Variants in EXOC4 observed in about 807,000 individuals in gnomAD.
The protein encoded by EXOC4 is exocyst complex component 4.
A neutral mutation model predicts 107.2 loss-of-function variants in EXOC4; 71 were observed. The observed-to-expected ratio is 0.66, with a 90% CI of 0.55 to 0.81. The LOEUF is 0.81. Ranked by LOEUF, EXOC4 falls within the 30% of genes least tolerant of loss-of-function variation. EXOC4 has a pLI of 0.00. For synonymous variants in EXOC4, 456 were observed against 441.2 expected (o/e 1.03, Z -0.42); for missense variants, 1,108 against 1,189.6 (o/e 0.93, Z 1.01).
At chr7:133,591,569 C>T (rs2432639) in intron 9 of EXOC4, among the ~76,000 whole-genome samples, 422 of 14,620 alleles carry the variant, frequency 0.029, 2 homozygotes, top group African/African-American at 0.044. Context: ...TGTGTGTGTG[C>T]GTGTGTGTGT....
intron 9 of EXOC4, among the ~76,000 whole-genome samples, chr7:133,492,295 T>C (rs933501841): frequency 2.2e-4 from 34 of 152,134 alleles, no homozygotes; most frequent in Admixed American, 6.5e-4. Flanking sequence ...CTGTGTGGTG[T>C]TTCAGCAAGA....
chr7:133,498,826 T>G (rs530500463), intron 9 of EXOC4, among the ~76,000 whole-genome samples: 1 of 152,352 alleles, frequency 6.6e-6, no homozygotes, highest in African/African-American at 2.4e-5. Flanking sequence ...CAGCAGCTTC[T>G]TGGCCTCTTT....
chr7:133,747,107 A>T (rs1455181682), intron 10 of EXOC4, among the ~76,000 whole-genome samples: 2 of 152,130 alleles, frequency 1.3e-5, no homozygotes, highest in Non-Finnish European at 2.9e-5. Context: ...CACTTCTCTG[A>T]ATCTTTGGTT....
At chr7:133,692,453 C>T (rs1418555471) in intron 10 of EXOC4, among the ~76,000 whole-genome samples, 1 of 152,204 alleles carries the variant, frequency 6.6e-6, no homozygotes, top group Non-Finnish European at 1.5e-5. Context: ...AACACCACCT[C>T]CTGCCCTGGG....
chr7:134,067,624 CTTAT>C (rs1293882181), downstream of EXOC4, among the ~76,000 whole-genome samples: 1 of 69,058 alleles, frequency 1.4e-5, no homozygotes, highest in Non-Finnish European at 2.6e-5. Context: ...GGACCCAACT[CTTAT>C]ATATATATAT....
At chr7:133,591,504 A>G (rs969866517) in intron 9 of EXOC4, among the ~76,000 whole-genome samples, 2 of 152,088 alleles carry the variant, frequency 1.3e-5, no homozygotes, top group African/African-American at 4.8e-5. Flanking sequence ...AAACCCATGC[A>G]TAGTTTTTTC....
intron 11 of EXOC4, among the ~76,000 whole-genome samples, chr7:133,859,770 A>G (rs1181089946): frequency 1.3e-5 from 2 of 152,146 alleles, no homozygotes; most frequent in Non-Finnish European, 2.9e-5. Context: ...TAAGAGTTAG[A>G]AAAAAACAGT....
intron 12 of EXOC4, among the ~76,000 whole-genome samples, chr7:133,899,989 G>A (rs953440468): frequency 3.3e-5 from 5 of 151,952 alleles, no homozygotes; most frequent in Non-Finnish European, 7.4e-5. Context: ...GGCCTCAAGC[G>A]ATTCTCCCAC....
chr7:133,433,407 C>T (rs955171951), intron 7 of EXOC4, among the ~76,000 whole-genome samples: 1 of 152,188 alleles, frequency 6.6e-6, no homozygotes, highest in African/African-American at 2.4e-5. Context: ...TTGGTCTTTG[C>T]ACTTCTATTG....
intron 11 of EXOC4, among the ~76,000 whole-genome samples, chr7:133,881,814 C>T (rs986972142): frequency 1.4e-4 from 21 of 152,150 alleles, no homozygotes; most frequent in African/African-American, 5.1e-4. Flanking sequence ...TATGTCTTCA[C>T]ATTTTAAAAA....
chr7:134,051,916 G>A (rs11975171), intron 17 of EXOC4, among the ~76,000 whole-genome samples: 3,458 of 151,792 alleles, frequency 0.023, 91 homozygotes, highest in African/African-American at 0.068. Context: ...AACCCGGGAG[G>A]TAGAGCTTGC....
chr7:133,349,210 G>GTT (rs1795854095), intron 5 of EXOC4, among the ~76,000 whole-genome samples: 1 of 151,880 alleles, frequency 6.6e-6, no homozygotes, highest in East Asian at 1.9e-4. Flanking sequence ...GTCCTGCAGT[G>GTT]TTAAATACAT....
At chr7:134,026,855 T>C (rs1006574679) in intron 17 of EXOC4, among the ~76,000 whole-genome samples, 1 of 152,096 alleles carries the variant, frequency 6.6e-6, no homozygotes. Context: ...AAAAAACAAA[T>C]GGTGTTAATA....
At chr7:133,519,654 A>G (rs1266061428) in intron 9 of EXOC4, among the ~76,000 whole-genome samples, 2 of 152,206 alleles carry the variant, frequency 1.3e-5, no homozygotes, top group African/African-American at 4.8e-5. Context: ...TTAATAGAAA[A>G]GAAAAATATG....
chr7:133,732,135 T>C (rs1795340816), intron 10 of EXOC4, among the ~76,000 whole-genome samples: 1 of 152,168 alleles, frequency 6.6e-6, no homozygotes, highest in Non-Finnish European at 1.5e-5. Flanking sequence ...GATCCTGTCC[T>C]TTGCAGGGAC....
intron 14 of EXOC4, among the ~76,000 whole-genome samples, chr7:133,945,717 T>C (rs897747278): frequency 6.6e-6 from 1 of 152,156 alleles, no homozygotes; most frequent in Non-Finnish European, 1.5e-5. Context: ...AACCGCACAG[T>C]TGCGCAATAT....
intron 10 of EXOC4, among the ~76,000 whole-genome samples, chr7:133,751,226 T>G (rs1277568134): frequency 6.6e-6 from 1 of 152,222 alleles, no homozygotes; most frequent in African/African-American, 2.4e-5. Flanking sequence ...GGTAGTTATT[T>G]GTAATTGCAC....
At chr7:133,470,800 A>G (rs1358185891) in intron 7 of EXOC4, among the ~76,000 whole-genome samples, 2 of 152,240 alleles carry the variant, frequency 1.3e-5, no homozygotes, top group Non-Finnish European at 2.9e-5. Flanking sequence ...GACAGAATGT[A>G]TTTGATATTG....
chr7:133,452,110 T>G (rs1798361372), intron 7 of EXOC4, among the ~76,000 whole-genome samples: 1 of 152,156 alleles, frequency 6.6e-6, no homozygotes, highest in South Asian at 2.1e-4. Context: ...ATAATTAGCC[T>G]GATGCACTGT....
Sources: allele counts gnomAD v4.1 joint callset (sites outside exome capture counted in the v4.1 genomes callset), GRCh38; gene constraint gnomAD v4.1.1; transcripts MANE v1.5; gene names NCBI Gene and HGNC (gene_info 2026-07-23, HGNC 2026-07-21).